Variants in CACNG3 observed in about 807,000 individuals in gnomAD.
CACNG3 encodes calcium voltage-gated channel auxiliary subunit gamma 3.
CACNG3 carries 3 observed loss-of-function variants against 28.5 expected under a neutral mutation model. That is an observed-to-expected ratio of 0.11 (90% CI 0.05 to 0.27). CACNG3 has a LOEUF of 0.27. Ranked by LOEUF, CACNG3 falls within the 10% of genes least tolerant of loss-of-function variation. CACNG3 has a pLI of 1.00. For synonymous variants in CACNG3, 174 were observed against 162.2 expected (o/e 1.07, Z -0.55); for missense variants, 236 against 414.4 (o/e 0.57, Z 3.74).
intron 1 of CACNG3, among the ~76,000 whole-genome samples, chr16:24,259,112 G>T (rs560137299): frequency 6.6e-5 from 10 of 152,188 alleles, no homozygotes; most frequent in Non-Finnish European, 1.3e-4. Flanking sequence ...CCTTGGGCAG[G>T]TGAATTCTAT....
chr16:24,335,718 G>A (rs1899693939), intron 1 of CACNG3, among the ~76,000 whole-genome samples: 1 of 152,070 alleles, frequency 6.6e-6, no homozygotes, highest in Non-Finnish European at 1.5e-5. Context: ...AATACCCAAA[G>A]AGCCCTTACC....
At chr16:24,283,876 G>C (rs1250747233) in intron 1 of CACNG3, among the ~76,000 whole-genome samples, 1 of 152,060 alleles carries the variant, frequency 6.6e-6, no homozygotes, top group African/African-American at 2.4e-5. Context: ...ACTCCTCCAG[G>C]TTTTCACCAA....
Position 24,266,683 on chromosome 16 carries a change from T to C in CACNG3, c.211+9718T>C, listed in dbSNP as rs553765812. ...GCGTTTTGTGGGTCTGCTGAAGCTT[T>C]TTCTAAAATGGTGCAGATGAATGAC... is the stretch of plus-strand genomic sequence containing the variant. On this transcript the variant is annotated intron_variant, in intron 1 of 3. Transcript: ENST00000005284. Among the ~76,000 whole-genome samples, 72 of 152,266 alleles carry C rather than the reference T, an allele frequency of 4.7e-4. No homozygotes were observed. The South Asian group carries it at 0.014, about 30-fold the overall frequency.
intron 1 of CACNG3, among the ~76,000 whole-genome samples, chr16:24,313,073 G>GAGGAAGGAAGGA (rs71154300): frequency 0.12 from 16,015 of 137,846 alleles, 1,200 homozygotes; most frequent in African/African-American, 0.16. Context: ...GCGAGGGAGG[G>GAGGAAGGAAGGA]AGGAAGGAAG....
rs1411428792 is a variant in CACNG3 at position 24,256,368 on chromosome 16, C to A, written c.-387C>A. 2 of 261,220 alleles carry A rather than the reference C, an allele frequency of 7.7e-6. No homozygotes were observed. The highest frequency in any genetic ancestry group is 5.0e-5 in the Admixed American group (1 of 20,028). The allele number at this position is 261,220 out of a possible 1,614,324, so 16.2% of individuals were successfully genotyped here. ...ACAGAGACCTCTCTGGGTTTCTTTG[C>A]CTTGAGTCTCCCGGGGCTGTGAGAA... On this transcript the variant is annotated 5_prime_UTR_variant, in exon 1 of 4. Transcript: ENST00000005284. This position sits in a 1 kb window ranked among gnomAD's most constrained non-coding sequence, Gnocchi z 4.6.
chr16:24,304,627 G>T (rs971949077), intron 1 of CACNG3, among the ~76,000 whole-genome samples: 1 of 152,282 alleles, frequency 6.6e-6, no homozygotes, highest in East Asian at 1.9e-4. Flanking sequence ...AAGCTGGAGT[G>T]CAGTAGCGCA....
At chr16:24,329,943 C>T (rs182598163) in intron 1 of CACNG3, among the ~76,000 whole-genome samples, 22 of 151,986 alleles carry the variant, frequency 1.4e-4, no homozygotes, top group Middle Eastern at 3.4e-3. Flanking sequence ...GGCTGAGGCA[C>T]GAGAATCTCT....
At chr16:24,358,788 A>G (rs1229572348) in intron 3 of CACNG3, among the ~76,000 whole-genome samples, 1 of 152,130 alleles carries the variant, frequency 6.6e-6, no homozygotes, top group Non-Finnish European at 1.5e-5. Flanking sequence ...ATGCAAAAAT[A>G]ATTGTGGTTT....
At position 24,361,784 on chromosome 16, in the gene CACNG3, A is replaced by C. The variant is rs780499242; in HGVS notation, c.869A>C (p.Gln290Pro). Residue 290 changes from glutamine to proline, a missense_variant, in exon 4 of 4, where the codon CAG becomes CCG. Around this residue, in one of 2 missense-constraint regions of CACNG3, gnomAD observed 116 missense variants for 151.0 expected, o/e 0.77. Transcript: ENST00000005284. This position sits in a 1 kb window ranked among gnomAD's most constrained non-coding sequence, Gnocchi z 6.8. ...TCCGACCGGGACCACGCTTTTCTAC[A>C]GTTCCACAATTCCACACCCAAAGAG... ...LNSDRDHAFL[Q>P]FHNSTPKEFK... 1 of 1,614,046 alleles carries C rather than the reference A, an allele frequency of 6.2e-7. No individual in the cohort carries two copies. Among genetic ancestry groups the C allele is most frequent in the Admixed American group, 1.7e-5 (1 of 60,010 alleles).
At chr16:24,312,363 C>T (rs535704212) in intron 1 of CACNG3, among the ~76,000 whole-genome samples, 1 of 152,240 alleles carries the variant, frequency 6.6e-6, no homozygotes, top group South Asian at 2.1e-4. Flanking sequence ...GTATGACGTC[C>T]AAAGTCAGAT....
chr16:24,268,988 C>T (rs1287833664), intron 1 of CACNG3, among the ~76,000 whole-genome samples: 5 of 152,094 alleles, frequency 3.3e-5, no homozygotes, highest in African/African-American at 1.2e-4. Flanking sequence ...ACTCAGATGG[C>T]CAAAAACGTC....
intron 1 of CACNG3, among the ~76,000 whole-genome samples, chr16:24,313,009 G>T (rs1899293495): frequency 1.4e-5 from 2 of 142,786 alleles, no homozygotes; most frequent in South Asian, 4.5e-4. Flanking sequence ...GAAAGAAAAA[G>T]AGAGAAAGAG....
At chr16:24,316,275 A>G (rs1899351038) in intron 1 of CACNG3, among the ~76,000 whole-genome samples, 1 of 86,588 alleles carries the variant, frequency 1.2e-5, no homozygotes, top group African/African-American at 3.1e-5. Flanking sequence ...TCCTCTTCCA[A>G]TCCCTGGCAG....
At chr16:24,349,333 A>G (rs915538539) in intron 2 of CACNG3, among the ~76,000 whole-genome samples, 3 of 152,236 alleles carry the variant, frequency 2.0e-5, no homozygotes, top group African/African-American at 7.2e-5. Flanking sequence ...CTCACACAAG[A>G]AAGATTCAGG....
chr16:24,317,619 AAAG>A lies in CACNG3; in HGVS notation c.212-29112_212-29110del, dbSNP rs1567217497. 1.2e-3 allele frequency among the ~76,000 whole-genome samples: 77 copies of A among 65,908 alleles called. 2 individuals are homozygous for A. Among genetic ancestry groups the A allele is most frequent in the African/African-American group, 4.1e-3 (61 of 14,770 alleles). The allele number at this position is 65,908 out of a possible 152,430, so 43.2% of individuals were successfully genotyped here. The stretch of plus-strand genomic sequence containing the variant: ...GAAAGAAAGAAAGAAAGAAAGAAAG[AAAG>A]AAAGACAGACAGAAAGAAAGAAAAG... On this transcript the variant is annotated intron_variant, in intron 1 of 3. Coordinates refer to ENST00000005284, the MANE Select transcript of CACNG3 (RefSeq NM_006539.4).
intron 1 of CACNG3, among the ~76,000 whole-genome samples, chr16:24,282,799 C>A (rs978471886): frequency 2.0e-5 from 3 of 152,074 alleles, no homozygotes; most frequent in Middle Eastern, 3.4e-3. Context: ...CTATTCTTTT[C>A]TTTTAATCTA....
At chr16:24,263,275 G>GA (rs201668438) in intron 1 of CACNG3, among the ~76,000 whole-genome samples, 11 of 149,804 alleles carry the variant, frequency 7.3e-5, no homozygotes, top group African/African-American at 9.8e-5. Context: ...CCTTTTCACT[G>GA]AAAAAAAAAT....
At position 24,351,659 on chromosome 16, in the gene CACNG3, G is replaced by GATGA. The variant is rs544832000; in HGVS notation, c.296-3173_296-3172insTGAA. ...AAGGGGAAGGGGAGGGGGAAAGACA[G>GATGA]ACGAAAGAAAGAAAGAAAGAAAGAA... On this transcript the variant is annotated intron_variant, in intron 2 of 3. Coordinates refer to ENST00000005284, the MANE Select transcript of CACNG3 (RefSeq NM_006539.4). Among the ~76,000 whole-genome samples the GATGA allele has an allele frequency of 9.3e-3, 608 of 65,416 alleles. 7 individuals are homozygous for GATGA. Among genetic ancestry groups the GATGA allele is most frequent in the African/African-American group, 0.039 (547 of 14,156 alleles). 42.9% of individuals were successfully genotyped at this position (65,416 alleles called of 152,430 possible).
At chr16:24,320,338 T>G in intron 1 of CACNG3, among the ~76,000 whole-genome samples, 1 of 152,174 alleles carries the variant, frequency 6.6e-6, no homozygotes, top group East Asian at 1.9e-4. Flanking sequence ...GCAGCAAAAC[T>G]TAGAAATAAT....
Sources: allele counts gnomAD v4.1 joint callset (sites outside exome capture counted in the v4.1 genomes callset), GRCh38; gene constraint gnomAD v4.1.1; regional missense constraint gnomAD v4.1.1; non-coding constraint Gnocchi (gnomAD v3.1); transcripts MANE v1.5; gene names NCBI Gene and HGNC (gene_info 2026-07-23, HGNC 2026-07-21).